CCSER2: variants seen among roughly 807,000 people sequenced by gnomAD.
The protein encoded by CCSER2 is serine-rich coiled-coil domain-containing protein 2.
A neutral mutation model predicts 92.3 loss-of-function variants in CCSER2; 46 were observed. The observed-to-expected ratio is 0.50, with a 90% CI of 0.39 to 0.64. CCSER2 has a LOEUF of 0.64. CCSER2 is among the 30% of genes least tolerant of loss of function. CCSER2 has a pLI of 0.00. For synonymous variants in CCSER2, 433 were observed against 431.4 expected, an observed-to-expected ratio of 1.00 and a Z score of -0.04; for missense variants, 1,244 against 1,238.9, an observed-to-expected ratio of 1.00 and a Z score of -0.06.
chr10:84,414,121 T>C (rs1842782774), intron 3 of CCSER2, among the ~76,000 whole-genome samples: 1 of 152,250 alleles, frequency 6.6e-6, no homozygotes, highest in African/African-American at 2.4e-5. Flanking sequence ...TTGTGTCTTT[T>C]AATTGGGGCA....
intron 9 of CCSER2, among the ~76,000 whole-genome samples, chr10:84,498,119 G>C (rs1848545309): frequency 6.6e-6 from 1 of 152,154 alleles, no homozygotes; most frequent in South Asian, 2.1e-4. Flanking sequence ...AACAATGACT[G>C]TTTTCTTAAA....
intron 3 of CCSER2, among the ~76,000 whole-genome samples, chr10:84,404,666 TA>T (rs201362664): frequency 6.6e-6 from 1 of 151,880 alleles, no homozygotes; most frequent in Non-Finnish European, 1.5e-5. Flanking sequence ...AAGTTTGACT[TA>T]AAAAAAACAA....
intron 3 of CCSER2, among the ~76,000 whole-genome samples, chr10:84,386,611 C>T (rs979949822): frequency 1.1e-4 from 16 of 152,234 alleles, no homozygotes; most frequent in African/African-American, 3.9e-4. Flanking sequence ...CCCAGCTATT[C>T]GGGAGGCTGA....
Position 84,517,347 on chromosome 10 carries a change from T to G in CCSER2, c.*3080T>G, listed in dbSNP as rs1005611083. On this transcript the variant is annotated 3_prime_UTR_variant, in exon 10 of 10. Transcript: ENST00000372088. ...AAGGCATTAAAGGATTATAGAGTTATGTCATTTAGACTGTTTCTAATAACT... is the reference window on the plus strand; with the variant it reads ...AAGGCATTAAAGGATTATAGAGTTAGGTCATTTAGACTGTTTCTAATAACT... 6.5e-6 allele frequency: 1 copy of G among 152,688 alleles called. No homozygotes were observed. The highest frequency in any genetic ancestry group is 1.5e-5 in the Non-Finnish European group (1 of 68,034). 9.5% of individuals were successfully genotyped at this position (152,688 alleles called of 1,614,324 possible). A position where few individuals can be genotyped will look rare whatever the true frequency, so the allele number is the denominator to read the frequency against.
At chr10:84,383,369 G>A (rs1017738551) in intron 3 of CCSER2, among the ~76,000 whole-genome samples, 2 of 152,088 alleles carry the variant, frequency 1.3e-5, no homozygotes, top group Admixed American at 6.5e-5. Context: ...GGAGTGCAGT[G>A]GTGTGATCTC....
intron 9 of CCSER2, chr10:84,507,454 G>A (rs1849118398): frequency 5.2e-6 from 1 of 193,888 alleles, no homozygotes; most frequent in Admixed American, 6.5e-5. Context: ...TGTTACAGAT[G>A]GCTCTATTTC....
chr10:84,393,017 T>A (rs1175385885), intron 3 of CCSER2, among the ~76,000 whole-genome samples: 2 of 152,124 alleles, frequency 1.3e-5, no homozygotes, highest in Non-Finnish European at 2.9e-5. Flanking sequence ...TGGTATTCAT[T>A]TACCTATGTT....
intron 6 of CCSER2, among the ~76,000 whole-genome samples, chr10:84,457,834 C>T (rs540828356): frequency 1.6e-3 from 240 of 150,488 alleles, no homozygotes; most frequent in Non-Finnish European, 2.8e-3. Context: ...TTCCACTTCC[C>T]TGGTTCAAGT....
chr10:84,393,224 A>G lies in CCSER2; in HGVS notation c.1614+19409A>G, dbSNP rs185193528. Among the ~76,000 whole-genome samples, 170 of 152,284 alleles carry G rather than the reference A, an allele frequency of 1.1e-3. No homozygotes were observed. The Middle Eastern group carries it at 0.034, about 30-fold the overall frequency. ...TATTGCATTGTGTGTAACCTGCACA[A>G]TGTGGAAAGCTGATATACCTGTGCA... is the stretch of plus-strand genomic sequence containing the variant. On this transcript the variant is annotated intron_variant, in intron 3 of 9. Coordinates refer to ENST00000372088, the MANE Select transcript of CCSER2 (RefSeq NM_001284240.2).
chr10:84,446,474 T>C (rs1844923601), intron 6 of CCSER2, among the ~76,000 whole-genome samples: 1 of 152,118 alleles, frequency 6.6e-6, no homozygotes, highest in Non-Finnish European at 1.5e-5. Context: ...TCATCCTAAG[T>C]GGGGTTCACC....
chr10:84,433,136 T>C (rs1176494454), intron 5 of CCSER2, among the ~76,000 whole-genome samples: 2 of 152,154 alleles, frequency 1.3e-5, no homozygotes, highest in Non-Finnish European at 2.9e-5. Context: ...AGTCTTGAAG[T>C]TGAGTAGTGT....
chr10:84,394,404 TG>T lies in CCSER2; in HGVS notation c.1614+20590del, dbSNP rs879846041. ...GAAAGTATGTGTGTGTGTGTGTGTG[TG>T]TGTGTGTGTGTGTGTGTGTTGGGTC... On this transcript the variant is annotated intron_variant, in intron 3 of 9. Transcript: ENST00000372088. 7.5e-3 allele frequency among the ~76,000 whole-genome samples: 1,132 copies of T among 151,480 alleles called. 8 individuals carry two copies. The highest frequency in any genetic ancestry group is 0.012 in the Non-Finnish European group (838 of 67,890).
intron 1 of CCSER2, among the ~76,000 whole-genome samples, chr10:84,368,632 T>C (rs1477599165): frequency 6.6e-6 from 1 of 152,202 alleles, no homozygotes; most frequent in Non-Finnish European, 1.5e-5. Flanking sequence ...GTCTTCTAGC[T>C]TTTATAAAAC....
intron 1 of CCSER2, among the ~76,000 whole-genome samples, chr10:84,368,308 C>T (rs1356022355): frequency 6.6e-6 from 1 of 151,942 alleles, no homozygotes; most frequent in Admixed American, 6.6e-5. Context: ...TTTCTGTCCG[C>T]TACTTTTTAA....
At chr10:84,490,724 CCTT>C (rs1481081581) in intron 9 of CCSER2, among the ~76,000 whole-genome samples, 5 of 152,216 alleles carry the variant, frequency 3.3e-5, no homozygotes, top group African/African-American at 9.6e-5. Flanking sequence ...TCTTCTGAAG[CCTT>C]CTTCTCTCAA....
intron 8 of CCSER2, among the ~76,000 whole-genome samples, chr10:84,474,792 A>G (rs1589762975): frequency 6.6e-6 from 1 of 152,168 alleles, no homozygotes; most frequent in Admixed American, 6.5e-5. Context: ...CAACTCTTAT[A>G]TAAGCCCTAA....
At chr10:84,453,831 CTTTG>C (rs1008612387) in intron 6 of CCSER2, among the ~76,000 whole-genome samples, 2 of 152,008 alleles carry the variant, frequency 1.3e-5, no homozygotes, top group Non-Finnish European at 2.9e-5. Context: ...AATTAGAATT[CTTTG>C]TTTATCTTTA....
intron 3 of CCSER2, among the ~76,000 whole-genome samples, chr10:84,390,682 C>T (rs1416530717): frequency 6.6e-6 from 1 of 152,166 alleles, no homozygotes; most frequent in African/African-American, 2.4e-5. Context: ...CACGACTGTT[C>T]TTATTTGATT....
At chr10:84,408,318 C>A (rs570599509) in intron 3 of CCSER2, among the ~76,000 whole-genome samples, 1 of 152,086 alleles carries the variant, frequency 6.6e-6, no homozygotes, top group African/African-American at 2.4e-5. Context: ...ATTTTCTTCT[C>A]CCCCATTTTA....
Sources: allele counts gnomAD v4.1 joint callset (sites outside exome capture counted in the v4.1 genomes callset), GRCh38; gene constraint gnomAD v4.1.1; transcripts MANE v1.5; gene names NCBI Gene and HGNC (gene_info 2026-07-23, HGNC 2026-07-21).